Variants in FKBP14 observed in about 807,000 individuals in gnomAD.
FKBP14 encodes the protein FKBP prolyl isomerase 14, also known as peptidyl-prolyl cis-trans isomerase FKBP14.
Under a neutral mutation model 21.6 loss-of-function variants are expected in FKBP14, and 20 were observed. The ratio of observed to expected loss-of-function variants is 0.92; its 90% CI spans 0.65 to 1.34. The LOEUF (loss-of-function observed/expected upper bound fraction) is 1.34, where lower values mean the gene tolerates loss of function less well. FKBP14 is among the 40% of genes most tolerant of loss of function. FKBP14 has a pLI of 0.00. For synonymous variants in FKBP14, 79 were observed against 86.7 expected (o/e 0.91, Z 0.49); for missense variants, 253 against 249.0 (o/e 1.02, Z -0.11).
rs1790169132 is a variant in FKBP14 at position 30,026,300 on chromosome 7, A to AT, written c.197+11dup. On this transcript the variant is annotated intron_variant, in intron 1 of 3. Transcript: ENST00000222803. ...TTAATTACTATTTTACCTGCGGGGC[A>AT]TAATTACTTACGTGGAGTGAAATAA... 1 of 1,591,564 alleles carries AT rather than the reference A, an allele frequency of 6.3e-7. No individual in the cohort carries two copies. Among genetic ancestry groups the AT allele is most frequent in the South Asian group, 1.1e-5 (1 of 89,362 alleles).
chr7:30,006,513 T>C (rs1256927999), downstream of FKBP14, among the ~76,000 whole-genome samples: 2 of 151,940 alleles, frequency 1.3e-5, no homozygotes, highest in Non-Finnish European at 2.9e-5. Flanking sequence ...AAAAAATATA[T>C]ATAGAAGAGT....
At chr7:30,019,390 C>T (rs1444342914) in intron 2 of FKBP14, among the ~76,000 whole-genome samples, 1 of 152,002 alleles carries the variant, frequency 6.6e-6, no homozygotes, top group Non-Finnish European at 1.5e-5. Flanking sequence ...CATATACATA[C>T]ATAGAGATGT....
intron 1 of FKBP14, among the ~76,000 whole-genome samples, chr7:30,024,375 A>C (rs2127950107): frequency 6.6e-6 from 1 of 152,336 alleles, no homozygotes; most frequent in Admixed American, 6.5e-5. Context: ...AGAGATGGCA[A>C]ACGTGCTTAC....
rs1202436705 is a variant in FKBP14 at position 30,010,603 on chromosome 7, C to G, written c.*4132G>C. The G allele has an allele frequency of 6.6e-6, 1 of 152,152 alleles. No individual in the cohort carries two copies. Among genetic ancestry groups the G allele is most frequent in the Non-Finnish European group, 1.5e-5 (1 of 68,010 alleles). The allele number at this position is 152,152 out of a possible 1,614,324, so 9.4% of individuals were successfully genotyped here. On this transcript the variant is annotated 3_prime_UTR_variant, in exon 4 of 4. Transcript: ENST00000222803. ...CAAAATCAGTTATCTCCCAAATAAA[C>G]TTTATTTTGAAAAGAATATCACAAT... is the stretch of plus-strand genomic sequence containing the variant.
At position 30,013,586 on chromosome 7, in the gene FKBP14, A is replaced by G. The variant is rs1011287910; in HGVS notation, c.*1149T>C. On this transcript the variant is annotated 3_prime_UTR_variant, in exon 4 of 4. Coordinates refer to ENST00000222803, the MANE Select transcript of FKBP14 (RefSeq NM_017946.4). ...TGATGAGACAGAAATGGGAAAATGT[A>G]GACTGGTTTACTACTTTATCTTATG... is the stretch of plus-strand genomic sequence containing the variant. The G allele has an allele frequency of 1.3e-5, 2 of 152,134 alleles. No homozygotes were observed. The highest frequency in any genetic ancestry group is 4.8e-5 in the African/African-American group (2 of 41,424). 9.4% of individuals were successfully genotyped at this position (152,134 alleles called of 1,614,324 possible). A position where few individuals can be genotyped will look rare whatever the true frequency, so the allele number is the denominator to read the frequency against.
chr7:30,015,996 G>T (rs1045606936), intron 3 of FKBP14, among the ~76,000 whole-genome samples: 1 of 151,830 alleles, frequency 6.6e-6, no homozygotes, highest in Non-Finnish European at 1.5e-5. Context: ...TGCAACCTCT[G>T]CCTCCCAGGC....
At chr7:30,018,612 C>T (rs1789951480) in intron 3 of FKBP14, among the ~76,000 whole-genome samples, 1 of 152,188 alleles carries the variant, frequency 6.6e-6, no homozygotes, top group South Asian at 2.1e-4. Flanking sequence ...CAGAAACTGT[C>T]CACATGAGAT....
chr7:30,016,377 A>G (rs1057508075), intron 3 of FKBP14, among the ~76,000 whole-genome samples: 1 of 150,162 alleles, frequency 6.7e-6, no homozygotes, highest in African/African-American at 2.4e-5. Context: ...ACAATTTTCC[A>G]TTTTCATTTG....
chr7:30,025,549 A>G (rs571420388), intron 1 of FKBP14: 1 of 152,352 alleles, frequency 6.6e-6, no homozygotes, highest in Admixed American at 6.5e-5. Context: ...CACCCAGAAC[A>G]TGGCTTAACA....
At chr7:30,007,244 T>G (rs1284192886), downstream of FKBP14, among the ~76,000 whole-genome samples, 3 of 147,176 alleles carry the variant, frequency 2.0e-5, no homozygotes, top group African/African-American at 7.6e-5. Context: ...AGAGTCTCGC[T>G]CTGTCACCAG....
intron 3 of FKBP14, 56 bp from the exon 4 acceptor site, chr7:30,014,949 C>A: frequency 2.5e-6 from 3 of 1,212,706 alleles, no homozygotes; most frequent in East Asian, 4.9e-5. Context: ...CCACATTGAG[C>A]CAATCAATAT....
At chr7:30,016,868 A>G (rs1241439278) in intron 3 of FKBP14, among the ~76,000 whole-genome samples, 2 of 152,162 alleles carry the variant, frequency 1.3e-5, no homozygotes, top group Non-Finnish European at 1.5e-5. Flanking sequence ...AGAAGTACAC[A>G]TATAGTATAT....
chr7:30,017,646 C>A (rs1166016183), intron 3 of FKBP14, among the ~76,000 whole-genome samples: 1 of 152,040 alleles, frequency 6.6e-6, no homozygotes, highest in African/African-American at 2.4e-5. Context: ...CAGCCTCAAG[C>A]AATCTTCCTG....
intron 2 of FKBP14, 127 bp from the exon 3 acceptor site, chr7:30,019,250 G>T: frequency 2.4e-6 from 2 of 850,260 alleles, no homozygotes; most frequent in Non-Finnish European, 3.4e-6. Flanking sequence ...TGTCATATAT[G>T]ATGAAAATTA....
At position 30,012,613 on chromosome 7, in the gene FKBP14, T is replaced by G. The variant is rs1225866845; in HGVS notation, c.*2122A>C. The G allele has an allele frequency of 1.3e-5, 2 of 152,234 alleles. No individual in the cohort carries two copies. Among genetic ancestry groups the G allele is most frequent in the Non-Finnish European group, 2.9e-5 (2 of 68,046 alleles). 9.4% of individuals were successfully genotyped at this position (152,234 alleles called of 1,614,324 possible). A position where few individuals can be genotyped will look rare whatever the true frequency, so the allele number is the denominator to read the frequency against. On this transcript the variant is annotated 3_prime_UTR_variant, in exon 4 of 4. Transcript: ENST00000222803. ...ATCAGTGAAAGTGGTCTACATATGA[T>G]GTAATAATTGTTCATAATTCTTTTT... is the stretch of plus-strand genomic sequence containing the variant.
rs1177245799 is a variant in FKBP14 at position 30,011,133 on chromosome 7, T to A, written c.*3602A>T. 1 of 151,756 alleles carries A rather than the reference T, an allele frequency of 6.6e-6. No individual in the cohort carries two copies. Among genetic ancestry groups the A allele is most frequent in the African/African-American group, 2.4e-5 (1 of 41,278 alleles). The allele number at this position is 151,756 out of a possible 1,614,324, so 9.4% of individuals were successfully genotyped here. The stretch of plus-strand genomic sequence containing the variant: ...TTGGCTCACTGCAACCTCCACCTCC[T>A]GGATTCAAGCAATTCTCCTGCCTCA... On this transcript the variant is annotated 3_prime_UTR_variant, in exon 4 of 4. Coordinates refer to ENST00000222803, the MANE Select transcript of FKBP14 (RefSeq NM_017946.4).
rs781318979 is a variant in FKBP14 at position 30,026,403 on chromosome 7, A to G, written c.106T>C (p.Phe36Leu). ...CCTTTGGTCTTGCGATGGCAGATGA[A>G]TGGCTTCTGGAGAACTTCAATTTTC... ...EVKIEVLQKP[F>L]ICHRKTKGGD... The change falls in exon 1 of 4, where the codon TTC becomes CTC. Residue 36 changes from phenylalanine (F) to leucine (L), a missense_variant. Transcript: ENST00000222803. 1.9e-6 allele frequency: 3 copies of G among 1,614,062 alleles called. No homozygotes were observed. Among genetic ancestry groups the G allele is most frequent in the African/African-American group, 2.7e-5 (2 of 74,932 alleles).
At chr7:30,022,890 G>T in intron 1 of FKBP14, 74 bp from the exon 2 acceptor site, 1 of 1,375,944 alleles carries the variant, frequency 7.3e-7, no homozygotes. Flanking sequence ...TTTCCCACCA[G>T]TAAGTGGTTA....
At chr7:30,015,008 C>T in intron 3 of FKBP14, 115 bp from the exon 4 acceptor site, 1 of 537,140 alleles carries the variant, frequency 1.9e-6, no homozygotes, top group Non-Finnish European at 3.0e-6. Context: ...AAATATAATA[C>T]CTTCTAAACA....
Sources: allele counts gnomAD v4.1 joint callset (sites outside exome capture counted in the v4.1 genomes callset), GRCh38; gene constraint gnomAD v4.1.1; transcripts MANE v1.5; gene names NCBI Gene and HGNC (gene_info 2026-07-23, HGNC 2026-07-21).